The following ST6GAL1 variants were observed in gnomAD, a reference collection of about 807,000 sequenced individuals.
ST6GAL1 encodes beta-galactoside alpha-2,6-sialyltransferase 1.
ST6GAL1 carries 20 observed loss-of-function variants against 38.0 expected under a neutral mutation model. That is an observed-to-expected ratio of 0.53 (90% CI 0.37 to 0.77). The LOEUF is 0.77. ST6GAL1 is among the 30% of genes least tolerant of loss of function. ST6GAL1 has a pLI of 0.00. For missense variants in ST6GAL1, 432 were observed against 496.4 expected (o/e 0.87, Z 1.23); for synonymous variants, 196 against 188.2 (o/e 1.04, Z -0.34).
At chr3:186,989,584 A>T (rs1415974435) in intron 2 of ST6GAL1, among the ~76,000 whole-genome samples, 1 of 152,176 alleles carries the variant, frequency 6.6e-6, no homozygotes, top group Non-Finnish European at 1.5e-5. Context: ...AGCCCTATGC[A>T]CCATGTTCGA....
chr3:187,012,939 T>C (rs1195659134), intron 2 of ST6GAL1, among the ~76,000 whole-genome samples: 1 of 152,176 alleles, frequency 6.6e-6, no homozygotes, highest in Admixed American at 6.5e-5. Flanking sequence ...GAGCACCTGC[T>C]CTGTGGAAAT....
chr3:187,034,881 C>G (rs537480774), intron 2 of ST6GAL1, among the ~76,000 whole-genome samples: 2 of 152,284 alleles, frequency 1.3e-5, no homozygotes, highest in Non-Finnish European at 2.9e-5. Context: ...TTCTATTCAA[C>G]ATAGTATTGG....
chr3:186,959,900 C>T (rs1295374192), intron 1 of ST6GAL1, among the ~76,000 whole-genome samples: 2 of 152,244 alleles, frequency 1.3e-5, no homozygotes, highest in Non-Finnish European at 2.9e-5. Flanking sequence ...AAAGGGTTAT[C>T]TCACGCTGAG....
At position 186,982,826 on chromosome 3, in the gene ST6GAL1, C is replaced by T. The variant is rs930704569; in HGVS notation, c.-183+18900C>T. On this transcript the variant is annotated intron_variant, in intron 2 of 7. Transcript: ENST00000169298. The stretch of plus-strand genomic sequence containing the variant: ...CCTCCCAAGTAGCTGGGATTACAGT[C>T]GCCCGCCACCATGCCCAGCTAATTT... Among the ~76,000 whole-genome samples, 11 of 151,568 alleles carry T rather than the reference C, an allele frequency of 7.3e-5. No individual in the cohort carries two copies. In the South Asian group the frequency reaches 1.5e-3, roughly 20 times the overall value.
intron 2 of ST6GAL1, among the ~76,000 whole-genome samples, chr3:187,019,593 A>C (rs1029356732): frequency 1.3e-5 from 2 of 152,210 alleles, no homozygotes; most frequent in Non-Finnish European, 2.9e-5. Context: ...GCTATCCCTG[A>C]TATGAGGAAA....
intron 1 of ST6GAL1, among the ~76,000 whole-genome samples, chr3:186,938,094 A>G (rs573124366): frequency 1.3e-5 from 2 of 152,212 alleles, no homozygotes; most frequent in Non-Finnish European, 2.9e-5. Context: ...AATGAAATAA[A>G]ATAAAATATT....
chr3:187,043,212 C>A lies in ST6GAL1; in HGVS notation c.509C>A (p.Pro170His), dbSNP rs761190193. 6.2e-7 allele frequency: 1 copy of A among 1,614,150 alleles called. No individual in the cohort carries two copies. Among genetic ancestry groups the A allele is most frequent in the Admixed American group, 1.7e-5 (1 of 60,028 alleles). Residue 170 changes from proline (P) to histidine (H), a missense_variant, in exon 4 of 8, where the codon CCC becomes CAC. Physicochemically the swap from Pro to His is moderately conservative, Grantham distance 77 (BLOSUM62 -2). Coordinates refer to ENST00000169298, the MANE Select transcript of ST6GAL1 (RefSeq NM_173216.2). Reference protein sequence around the residue: ...FNTSEWEGYLPKESIRTKAGP... With the variant: ...FNTSEWEGYLHKESIRTKAGP... Reference sequence around the variant, plus strand: ...ACCTCTGAATGGGAGGGTTATCTGCCCAAGGAGAGCATTAGGACCAAGGCT... The same window carrying A: ...ACCTCTGAATGGGAGGGTTATCTGCACAAGGAGAGCATTAGGACCAAGGCT...
chr3:187,065,582 T>C (rs531095178), intron 5 of ST6GAL1, among the ~76,000 whole-genome samples: 1 of 152,310 alleles, frequency 6.6e-6, no homozygotes, highest in Non-Finnish European at 1.5e-5. Context: ...AGAAGGTTTC[T>C]GTGAGACTCA....
intron 2 of ST6GAL1, among the ~76,000 whole-genome samples, chr3:187,020,638 C>A (rs76611117): frequency 0.027 from 4,146 of 152,300 alleles, 85 homozygotes; most frequent in Non-Finnish European, 0.038. Context: ...CTACTTGCAA[C>A]CCTCTTTTCT....
At chr3:187,005,858 G>A (rs987194157) in intron 2 of ST6GAL1, among the ~76,000 whole-genome samples, 1 of 152,196 alleles carries the variant, frequency 6.6e-6, no homozygotes, top group African/African-American at 2.4e-5. Context: ...GGAGCACACA[G>A]AAGGGAAGGA....
chr3:186,996,059 T>C (rs190186360), intron 2 of ST6GAL1, among the ~76,000 whole-genome samples: 1 of 152,274 alleles, frequency 6.6e-6, no homozygotes, highest in African/African-American at 2.4e-5. Context: ...TCCTGATCAT[T>C]TGTCTTTTTA....
intron 5 of ST6GAL1, among the ~76,000 whole-genome samples, chr3:187,057,294 G>A (rs1053275426): frequency 6.6e-6 from 1 of 152,180 alleles, no homozygotes; most frequent in African/African-American, 2.4e-5. Flanking sequence ...ACCTTCTGAA[G>A]CCTACTTCTG....
At chr3:187,009,322 T>G (rs1205726928) in intron 2 of ST6GAL1, among the ~76,000 whole-genome samples, 1 of 152,196 alleles carries the variant, frequency 6.6e-6, no homozygotes, top group Non-Finnish European at 1.5e-5. Context: ...GATGGAATGA[T>G]ATGTCTGGGA....
At chr3:187,062,011 C>T (rs1718932253) in intron 5 of ST6GAL1, among the ~76,000 whole-genome samples, 1 of 152,144 alleles carries the variant, frequency 6.6e-6, no homozygotes, top group African/African-American at 2.4e-5. Context: ...ATAGAACACT[C>T]TTCAAACAAC....
At chr3:186,932,895 C>T (rs1713809707) in intron 1 of ST6GAL1, among the ~76,000 whole-genome samples, 1 of 152,212 alleles carries the variant, frequency 6.6e-6, no homozygotes, top group South Asian at 2.1e-4. Flanking sequence ...TGCCTGTTAT[C>T]TCCTAGTTAC....
At chr3:187,027,246 C>T (rs1042173579) in intron 2 of ST6GAL1, among the ~76,000 whole-genome samples, 1 of 152,094 alleles carries the variant, frequency 6.6e-6, no homozygotes, top group Non-Finnish European at 1.5e-5. Flanking sequence ...CTGTACTTTT[C>T]TCATCTTGCA....
intron 2 of ST6GAL1, chr3:186,964,414 A>G (rs182830367): frequency 9.2e-5 from 14 of 152,286 alleles, no homozygotes; most frequent in African/African-American, 3.1e-4. Context: ...AATTACCTAG[A>G]TATGTTCTGA....
At chr3:186,960,256 C>G (rs993351451) in intron 1 of ST6GAL1, among the ~76,000 whole-genome samples, 10 of 152,154 alleles carry the variant, frequency 6.6e-5, no homozygotes, top group African/African-American at 2.2e-4. Context: ...TCTGTGTCAT[C>G]TAGATGCTTC....
chr3:187,067,978 G>A (rs1205329188), intron 5 of ST6GAL1, among the ~76,000 whole-genome samples: 3 of 152,162 alleles, frequency 2.0e-5, no homozygotes, highest in Non-Finnish European at 4.4e-5. Context: ...GTTCTCTGAC[G>A]TCCTTCCCCA....
Sources: gnomAD v4.1 joint callset for allele counts (sites outside exome capture counted in the v4.1 genomes callset) on GRCh38, gnomAD v4.1.1 for gene constraint, MANE v1.5 for transcripts, NCBI Gene and HGNC (gene_info 2026-07-23, HGNC 2026-07-21) for gene names.